Variants in UCK2 observed in about 807,000 individuals in gnomAD.
The protein encoded by UCK2 is cytidine monophosphokinase 2.
In UCK2, 6 loss-of-function variants were observed where a neutral mutation model predicts 30.8. The observed-to-expected ratio is 0.19, with a 90% confidence interval of 0.11 to 0.38. The LOEUF is 0.38. Among genes scored for constraint, UCK2 ranks in the 10% least tolerant of loss-of-function variants. The probability of loss-of-function intolerance (pLI) is 1.00; values close to 1 mark genes in which losing one functional copy is unlikely to be tolerated. For synonymous variants in UCK2, 125 were observed against 133.6 expected, an observed-to-expected ratio of 0.94 and a Z score of 0.45; for missense variants, 210 against 339.8, an observed-to-expected ratio of 0.62 and a Z score of 3.00.
intron 1 of UCK2, among the ~76,000 whole-genome samples, chr1:165,874,562 T>C (rs980761712): frequency 1.3e-5 from 2 of 152,178 alleles, no homozygotes; most frequent in African/African-American, 4.8e-5. Flanking sequence ...TGGATGTCTT[T>C]AATAGACAAA....
At chr1:165,879,019 A>G (rs1655409185) in intron 1 of UCK2, among the ~76,000 whole-genome samples, 1 of 152,170 alleles carries the variant, frequency 6.6e-6, no homozygotes, top group Non-Finnish European at 1.5e-5. Flanking sequence ...TTTAATAGGT[A>G]TGTAGTGGTA....
chr1:165,900,732 GTGTT>G (rs1313525444), intron 4 of UCK2: 1 of 152,656 alleles, frequency 6.6e-6, no homozygotes, highest in Non-Finnish European at 1.5e-5. Context: ...GTGTGCATGT[GTGTT>G]TGTGTGTGTG....
At chr1:165,845,039 C>T (rs1654415557) in intron 1 of UCK2, among the ~76,000 whole-genome samples, 2 of 152,134 alleles carry the variant, frequency 1.3e-5, no homozygotes, top group South Asian at 4.1e-4. Context: ...GTCATGAGAA[C>T]CCTGATTTAA....
chr1:165,887,170 T>C (rs1485133055), intron 1 of UCK2, among the ~76,000 whole-genome samples: 2 of 152,194 alleles, frequency 1.3e-5, no homozygotes, highest in African/African-American at 4.8e-5. Flanking sequence ...CAGGGACTGC[T>C]GCCTAATAAG....
chr1:165,855,128 G>A (rs900095806), intron 1 of UCK2, among the ~76,000 whole-genome samples: 1 of 152,074 alleles, frequency 6.6e-6, no homozygotes, highest in Admixed American at 6.5e-5. Flanking sequence ...ACCCACCTTC[G>A]TTTTAAACTA....
Position 165,910,668 on chromosome 1 carries a change from T to G in UCK2, c.*2845T>G, listed in dbSNP as rs1647826431. On this transcript the variant is annotated 3_prime_UTR_variant, in exon 7 of 7. Coordinates refer to ENST00000367879, the MANE Select transcript of UCK2 (RefSeq NM_012474.5). ...AAGAAGGATGCAAGTATCCTTTGATTTGGAGTGGACAGAGCAGGTCCTTGC... is the reference window on the plus strand; with the variant it reads ...AAGAAGGATGCAAGTATCCTTTGATGTGGAGTGGACAGAGCAGGTCCTTGC... The G allele has an allele frequency of 6.6e-6, 1 of 152,232 alleles. No homozygotes were observed. The highest frequency in any genetic ancestry group is 1.5e-5 in the Non-Finnish European group (1 of 68,104). 9.4% of individuals were successfully genotyped at this position (152,232 alleles called of 1,614,324 possible). A position where few individuals can be genotyped will look rare whatever the true frequency, so the allele number is the denominator to read the frequency against.
At chr1:165,885,334 A>G (rs893115887) in intron 1 of UCK2, 6 of 398,452 alleles carry the variant, frequency 1.5e-5, no homozygotes, top group African/African-American at 2.1e-5. Context: ...ACAAAGTAAT[A>G]CTTGTTGTAA....
rs1653919039 is a variant in UCK2, at chr1:165,827,682, C to T, written c.-152C>T. The T allele has an allele frequency of 8.5e-6, 5 of 590,088 alleles. No individual in the cohort carries two copies. In the South Asian group the frequency reaches 2.6e-4, roughly 31 times the overall value. The allele number at this position is 590,088 out of a possible 1,614,324, so 36.6% of individuals were successfully genotyped here. ...CCTTCGGGAAACCCAGCCCCGTCAC[C>T]GGGCTCCGAGCGGCTCGCAGGCGAG... On this transcript the variant is annotated 5_prime_UTR_variant, in exon 1 of 7. Transcript: ENST00000367879.
At chr1:165,867,559 C>T (rs1361877789) in intron 1 of UCK2, among the ~76,000 whole-genome samples, 1 of 152,232 alleles carries the variant, frequency 6.6e-6, no homozygotes, top group East Asian at 1.9e-4. Context: ...AGCATTTCAA[C>T]AATGCCCACA....
chr1:165,893,184 C>A (rs1248274816), intron 3 of UCK2, among the ~76,000 whole-genome samples: 1 of 152,098 alleles, frequency 6.6e-6, no homozygotes, highest in Non-Finnish European at 1.5e-5. Context: ...GGAGCCAGGG[C>A]CTGACCAGTG....
At chr1:165,840,003 G>C (rs556206551) in intron 1 of UCK2, among the ~76,000 whole-genome samples, 3 of 152,130 alleles carry the variant, frequency 2.0e-5, no homozygotes, top group African/African-American at 4.8e-5. Context: ...GCCCACTGCA[G>C]CCTCTGCCGG....
At chr1:165,850,598 C>T (rs538503811) in intron 1 of UCK2, among the ~76,000 whole-genome samples, 12 of 147,652 alleles carry the variant, frequency 8.1e-5, no homozygotes, top group Admixed American at 7.0e-4. Context: ...CATGCCACAA[C>T]ATGCGACTAA....
intron 4 of UCK2, among the ~76,000 whole-genome samples, chr1:165,898,912 C>T (rs1647367551): frequency 6.6e-6 from 1 of 152,154 alleles, no homozygotes; most frequent in African/African-American, 2.4e-5. Flanking sequence ...CACCTACTGC[C>T]GAGTCACTTT....
At chr1:165,864,489 C>G (rs1329172710) in intron 1 of UCK2, among the ~76,000 whole-genome samples, 1 of 151,990 alleles carries the variant, frequency 6.6e-6, no homozygotes, top group South Asian at 2.1e-4. Flanking sequence ...ATTGGGTATA[C>G]AAAAAGTAAT....
chr1:165,828,099 G>C (rs1170097491), intron 1 of UCK2, among the ~76,000 whole-genome samples, 167 bp downstream of exon 1: 2 of 150,818 alleles, frequency 1.3e-5, no homozygotes, highest in Non-Finnish European at 3.0e-5. Context: ...GCCTGGGGGC[G>C]CTGCGGCGGG....
chr1:165,854,426 C>G (rs1300212773), intron 1 of UCK2, among the ~76,000 whole-genome samples: 2 of 152,006 alleles, frequency 1.3e-5, no homozygotes, highest in African/African-American at 4.8e-5. Context: ...AACCGATTTC[C>G]CTGGTTTTGC....
intron 1 of UCK2, among the ~76,000 whole-genome samples, chr1:165,850,025 GAGA>G (rs1332582018): frequency 2.0e-5 from 3 of 152,212 alleles, no homozygotes; most frequent in Non-Finnish European, 1.5e-5. Context: ...ATGAAATAGT[GAGA>G]AGAACTTGAG....
intron 4 of UCK2, among the ~76,000 whole-genome samples, chr1:165,897,218 G>A (rs542851097): frequency 2.0e-5 from 3 of 152,204 alleles, no homozygotes; most frequent in Admixed American, 6.5e-5. Flanking sequence ...TCTGGTTCTC[G>A]GTGGGCAAGG....
At chr1:165,861,823 G>A (rs769936249) in intron 1 of UCK2, among the ~76,000 whole-genome samples, 4 of 152,122 alleles carry the variant, frequency 2.6e-5, no homozygotes, top group Non-Finnish European at 5.9e-5. Context: ...ACATCAGCTT[G>A]TGTGACTTAA....
Sources: gnomAD v4.1 joint callset for allele counts (sites outside exome capture counted in the v4.1 genomes callset) on GRCh38, gnomAD v4.1.1 for gene constraint, MANE v1.5 for transcripts, NCBI Gene and HGNC (gene_info 2026-07-23, HGNC 2026-07-21) for gene names.